The following DOCK4 variants were observed in gnomAD, a reference collection of about 807,000 sequenced individuals.
The protein encoded by DOCK4 is dedicator of cytokinesis protein 4.
In DOCK4, 97 loss-of-function variants were observed where a neutral mutation model predicts 268.1. The ratio of observed to expected loss-of-function variants is 0.36; its 90% CI spans 0.31 to 0.43. DOCK4 has a LOEUF of 0.43. DOCK4 is among the 20% of genes least tolerant of loss of function. DOCK4 has a pLI of 1.00. For missense variants in DOCK4, 2,145 were observed against 2,455.7 expected, an observed-to-expected ratio of 0.87 and a Z score of 2.67; for synonymous variants, 954 against 887.2, an observed-to-expected ratio of 1.08 and a Z score of -1.34.
intron 1 of DOCK4, among the ~76,000 whole-genome samples, chr7:112,146,303 GAGGCTTTCCA>G: frequency 6.6e-6 from 1 of 152,310 alleles, no homozygotes; most frequent in African/African-American, 2.4e-5. Context: ...CATCCTAGAA[GAGGCTTTCCA>G]AGGCTTTCTT....
chr7:111,730,508 T>C (rs1416899963), intron 52 of DOCK4, among the ~76,000 whole-genome samples: 1 of 152,176 alleles, frequency 6.6e-6, no homozygotes, highest in Non-Finnish European at 1.5e-5. Context: ...AGCCTAACAT[T>C]AAGGCCAATT....
intron 17 of DOCK4, 62 bp from the exon 18 acceptor site, chr7:111,872,626 G>C: frequency 8.1e-6 from 11 of 1,364,422 alleles, no homozygotes; most frequent in Non-Finnish European, 1.1e-5. Context: ...ACATGAAAGC[G>C]TTCTGCTAGT....
chr7:112,163,879 T>C (rs1249621193), intron 1 of DOCK4, among the ~76,000 whole-genome samples: 1 of 152,204 alleles, frequency 6.6e-6, no homozygotes. Flanking sequence ...CACACATTGA[T>C]ATGTGTCTAG....
chr7:111,973,809 G>A (rs1797921072), intron 8 of DOCK4, among the ~76,000 whole-genome samples: 1 of 151,980 alleles, frequency 6.6e-6, no homozygotes, highest in African/African-American at 2.4e-5. Context: ...TGTTGAAGCT[G>A]GTGGAGGGTA....
chr7:112,039,065 A>G (rs1352298506), intron 1 of DOCK4, among the ~76,000 whole-genome samples: 1 of 152,220 alleles, frequency 6.6e-6, no homozygotes, highest in Non-Finnish European at 1.5e-5. Context: ...TGGAGGAGGC[A>G]GAACAGAGAA....
intron 16 of DOCK4, among the ~76,000 whole-genome samples, chr7:111,880,353 A>G (rs28771203): frequency 0.15 from 22,642 of 152,204 alleles, 1,867 homozygotes; most frequent in Non-Finnish European, 0.18. Flanking sequence ...ATCCAGGGGA[A>G]AAATATCCTT....
At chr7:112,076,566 C>A (rs1273986268) in intron 1 of DOCK4, among the ~76,000 whole-genome samples, 1 of 152,024 alleles carries the variant, frequency 6.6e-6, no homozygotes, top group African/African-American at 2.4e-5. Context: ...ATATGTTTTG[C>A]AATATTTGGA....
rs368524454 is a variant in DOCK4 at position 111,834,732 on chromosome 7, C to T, written c.2737-46G>A. The T allele has an allele frequency of 6.4e-5, 83 of 1,301,574 alleles. 2 individuals are homozygous for T. The highest frequency in any genetic ancestry group is 5.1e-4 in the African/African-American group (34 of 66,186). 80.6% of individuals were successfully genotyped at this position (1,301,574 alleles called of 1,614,324 possible). ...GCATACATTTTATTTTTAGTAAGGA[C>T]GTAAAAGAACATCAGTAACTTACAC... On this transcript the variant is annotated intron_variant, in intron 25 of 52. Coordinates refer to ENST00000428084, the MANE Select transcript of DOCK4 (RefSeq NM_001363540.2).
At chr7:112,098,699 T>A (rs1224093111) in intron 1 of DOCK4, among the ~76,000 whole-genome samples, 1 of 149,998 alleles carries the variant, frequency 6.7e-6, no homozygotes, top group Admixed American at 6.7e-5. Context: ...TAAAATTATG[T>A]GTAATTTTAC....
chr7:111,858,468 TC>T lies in DOCK4; in HGVS notation c.2473+4903del, dbSNP rs541815895. Among the ~76,000 whole-genome samples, 179 of 152,296 alleles carry T rather than the reference TC, an allele frequency of 1.2e-3. 2 individuals carry two copies. Among genetic ancestry groups the T allele is most frequent in the Non-Finnish European group, 2.1e-3 (140 of 68,024 alleles). On this transcript the variant is annotated intron_variant, in intron 23 of 52. Transcript: ENST00000428084. ...CTAGACAGAGTTAAGTAAACTGTCCTCCCCAATGTGGTGAGCCTCATCCACT... is the reference window on the plus strand; with the variant it reads ...CTAGACAGAGTTAAGTAAACTGTCCTCCCAATGTGGTGAGCCTCATCCACT...
At chr7:111,910,334 T>G (rs190279843) in intron 13 of DOCK4, among the ~76,000 whole-genome samples, 1 of 152,316 alleles carries the variant, frequency 6.6e-6, no homozygotes, top group East Asian at 1.9e-4. Context: ...CCAGGCCTGC[T>G]TTGCCTAGGG....
chr7:112,178,251 A>G (rs186188063), intron 1 of DOCK4, among the ~76,000 whole-genome samples: 2 of 152,288 alleles, frequency 1.3e-5, no homozygotes, highest in African/African-American at 4.8e-5. Flanking sequence ...TGTATCACTC[A>G]TTTTGTACTT....
At chr7:111,853,232 A>G (rs1420467600) in intron 23 of DOCK4, among the ~76,000 whole-genome samples, 1 of 152,196 alleles carries the variant, frequency 6.6e-6, no homozygotes, top group Admixed American at 6.5e-5. Flanking sequence ...TGAAGTCAGC[A>G]TCAGTCACCA....
intron 47 of DOCK4, among the ~76,000 whole-genome samples, chr7:111,740,623 CT>C (rs1292163949): frequency 6.7e-6 from 1 of 148,570 alleles, no homozygotes; most frequent in East Asian, 2.1e-4. Context: ...ATCCCAGCTA[CT>C]CACGAGGCTG....
intron 1 of DOCK4, among the ~76,000 whole-genome samples, chr7:112,092,079 T>C (rs1809686557): frequency 6.6e-6 from 1 of 152,102 alleles, no homozygotes; most frequent in African/African-American, 2.4e-5. Flanking sequence ...CCAGGACCAC[T>C]TTCTCAATAT....
intron 1 of DOCK4, among the ~76,000 whole-genome samples, chr7:112,121,197 G>A (rs907551490): frequency 1.3e-5 from 2 of 152,142 alleles, no homozygotes; most frequent in African/African-American, 4.8e-5. Flanking sequence ...ATCTGAACTT[G>A]GTCAGCCTGA....
intron 1 of DOCK4, among the ~76,000 whole-genome samples, chr7:112,182,609 T>A (rs1290388113): frequency 6.6e-6 from 1 of 152,194 alleles, no homozygotes; most frequent in East Asian, 1.9e-4. Context: ...AGAAACACAA[T>A]TAAGAGATTA....
At chr7:112,011,792 C>T (rs1003089534) in intron 1 of DOCK4, among the ~76,000 whole-genome samples, 1 of 147,290 alleles carries the variant, frequency 6.8e-6, no homozygotes, top group Non-Finnish European at 1.5e-5. Context: ...CTGATTATTG[C>T]ATCCACCTAT....
intron 1 of DOCK4, among the ~76,000 whole-genome samples, chr7:112,118,562 G>C (rs1185479190): frequency 6.6e-6 from 1 of 152,008 alleles, no homozygotes; most frequent in African/African-American, 2.4e-5. Context: ...TGCCAAAAAA[G>C]CCTTCCTTCT....
Sources: gnomAD v4.1 joint callset for allele counts (sites outside exome capture counted in the v4.1 genomes callset) on GRCh38, gnomAD v4.1.1 for gene constraint, MANE v1.5 for transcripts, NCBI Gene and HGNC (gene_info 2026-07-23, HGNC 2026-07-21) for gene names.